MVB12B: variants seen among roughly 807,000 people sequenced by gnomAD.
The protein encoded by MVB12B is ESCRT-I complex subunit MVB12B.
MVB12B carries 16 observed loss-of-function variants against 41.6 expected under a neutral mutation model. The observed-to-expected ratio is 0.38, with a 90% CI of 0.26 to 0.58. The LOEUF (loss-of-function observed/expected upper bound fraction) is 0.58, where lower values mean the gene tolerates loss of function less well. MVB12B is among the 20% of genes least tolerant of loss of function. MVB12B has a pLI of 0.62. For missense variants in MVB12B, 274 were observed against 380.2 expected (o/e 0.72, Z 2.32); for synonymous variants, 133 against 139.7 (o/e 0.95, Z 0.34).
intron 8 of MVB12B, 129 bp downstream of exon 8, chr9:126,481,553 C>T (rs1264982768): frequency 1.4e-5 from 10 of 733,796 alleles, no homozygotes; most frequent in East Asian, 1.2e-4. Context: ...GAATCTTGTC[C>T]GCCTGCGTGT....
intron 7 of MVB12B, among the ~76,000 whole-genome samples, chr9:126,447,348 A>G (rs183782635): frequency 1.1e-3 from 172 of 151,324 alleles, no homozygotes; most frequent in Non-Finnish European, 2.1e-3. Context: ...GATTTTTAAT[A>G]AAAGTGTTTA....
rs1197345939 is a variant in MVB12B, at chr9:126,480,668, C to T, written c.758-701C>T. On this transcript the variant is annotated intron_variant, in intron 7 of 9. Transcript: ENST00000361171. This position sits in a 1 kb window ranked among gnomAD's most constrained non-coding sequence, Gnocchi z 4.9. ...GAGCCTCTAGTCAGCCCTTGATGCC[C>T]TGGGTCTGAGTGACTGAGAGCGACA... 1 of 152,300 alleles carries T rather than the reference C, an allele frequency of 6.6e-6. No homozygotes were observed. Among genetic ancestry groups the T allele is most frequent in the Non-Finnish European group, 1.5e-5 (1 of 68,124 alleles). 9.4% of individuals were successfully genotyped at this position (152,300 alleles called of 1,614,324 possible).
intron 1 of MVB12B, chr9:126,327,445 A>T (rs983455321): frequency 9.8e-5 from 48 of 492,230 alleles, no homozygotes; most frequent in Non-Finnish European, 1.3e-4. Context: ...CACCTGCCCC[A>T]GGAGCATCAC....
chr9:126,365,149 G>C (rs1004932363), intron 2 of MVB12B, among the ~76,000 whole-genome samples: 1 of 150,626 alleles, frequency 6.6e-6, no homozygotes. Context: ...CGCCTCCCAG[G>C]TTCAAGTGAT....
chr9:126,332,559 G>A (rs1032855121), intron 1 of MVB12B, among the ~76,000 whole-genome samples: 3 of 152,128 alleles, frequency 2.0e-5, no homozygotes, highest in African/African-American at 4.8e-5. Flanking sequence ...CCCTTCCCCC[G>A]TCCTCTGTAA....
At chr9:126,393,705 C>T (rs1304843231) in intron 5 of MVB12B, among the ~76,000 whole-genome samples, 1 of 152,240 alleles carries the variant, frequency 6.6e-6, no homozygotes, top group Non-Finnish European at 1.5e-5. Context: ...CTTCAGTCAA[C>T]TGAAATCCAG....
intron 4 of MVB12B, among the ~76,000 whole-genome samples, chr9:126,388,828 T>A (rs1830869936): frequency 6.6e-6 from 1 of 152,248 alleles, no homozygotes; most frequent in Non-Finnish European, 1.5e-5. Context: ...ATTTGTATTA[T>A]CTCCTCTGCT....
intron 7 of MVB12B, among the ~76,000 whole-genome samples, chr9:126,472,607 C>T (rs1484825158): frequency 6.6e-6 from 1 of 152,032 alleles, no homozygotes; most frequent in African/African-American, 2.4e-5. Flanking sequence ...ACTTGTAGTG[C>T]CTGATTGTAA....
intron 8 of MVB12B, among the ~76,000 whole-genome samples, chr9:126,483,234 C>T (rs770599019): frequency 6.6e-6 from 1 of 152,200 alleles, no homozygotes; most frequent in Non-Finnish European, 1.5e-5. Context: ...CGCCCTCTGC[C>T]CTCCGAGCCT....
intron 2 of MVB12B, among the ~76,000 whole-genome samples, chr9:126,365,748 G>A (rs1327504660): frequency 6.6e-6 from 1 of 151,946 alleles, no homozygotes; most frequent in African/African-American, 2.4e-5. Flanking sequence ...GGTCCAAAGG[G>A]AGATTTCATC....
chr9:126,416,836 T>C (rs10739672), intron 6 of MVB12B, among the ~76,000 whole-genome samples: 133,379 of 152,178 alleles, frequency 0.88, 58,616 homozygotes, highest in East Asian at 1. Context: ...TGGGGCTCCA[T>C]CCCACGCTGG....
intron 6 of MVB12B, 29 bp from the exon 7 acceptor site, chr9:126,421,825 C>A: frequency 6.4e-7 from 1 of 1,554,356 alleles, no homozygotes; most frequent in Non-Finnish European, 8.9e-7. Flanking sequence ...TCCTTGTAAT[C>A]TCCTTTCTCT....
chr9:126,327,447 G>A (rs1209187980), intron 1 of MVB12B, among the ~76,000 whole-genome samples: 1 of 152,166 alleles, frequency 6.6e-6, no homozygotes, highest in Non-Finnish European at 1.5e-5. Context: ...CCTGCCCCAG[G>A]AGCATCACTG....
chr9:126,356,801 C>T lies in MVB12B; in HGVS notation c.204+16171C>T, dbSNP rs138845544. ...ATCATTTAAAACTGTGTGGCACCTG[C>T]CTTCATTCTCTCACTGCTGCTCCTG... On this transcript the variant is annotated intron_variant, in intron 2 of 9. Coordinates refer to ENST00000361171, the MANE Select transcript of MVB12B (RefSeq NM_033446.3). Among the ~76,000 whole-genome samples, 47 of 152,060 alleles carry T rather than the reference C, an allele frequency of 3.1e-4. 1 individual carries two copies. The highest frequency in any genetic ancestry group is 1.1e-3 in the African/African-American group (46 of 41,488).
chr9:126,339,971 T>G (rs1829395958), intron 1 of MVB12B, among the ~76,000 whole-genome samples: 1 of 152,202 alleles, frequency 6.6e-6, no homozygotes, highest in Non-Finnish European at 1.5e-5. Context: ...TCATGGAGCC[T>G]GGACTCCAAC....
chr9:126,501,338 G>A (rs1457236908), intron 9 of MVB12B, among the ~76,000 whole-genome samples: 3 of 152,234 alleles, frequency 2.0e-5, no homozygotes, highest in Non-Finnish European at 4.4e-5. Flanking sequence ...CCTGAGAGAT[G>A]AGTTCACTGA....
chr9:126,404,879 G>A (rs7848436), intron 6 of MVB12B, among the ~76,000 whole-genome samples: 29 of 152,240 alleles, frequency 1.9e-4, no homozygotes, highest in East Asian at 3.8e-4. Flanking sequence ...CAAAATGCTC[G>A]TGAACAGAGC....
At chr9:126,469,097 G>T (rs1360371445) in intron 7 of MVB12B, among the ~76,000 whole-genome samples, 1 of 152,186 alleles carries the variant, frequency 6.6e-6, no homozygotes, top group East Asian at 1.9e-4. Context: ...GACCCCTTGA[G>T]CCCAGGATTT....
At chr9:126,500,132 GCT>G (rs1833923926) in intron 9 of MVB12B, among the ~76,000 whole-genome samples, 1 of 152,110 alleles carries the variant, frequency 6.6e-6, no homozygotes, top group South Asian at 2.1e-4. Context: ...CCCTTAACCT[GCT>G]CTCTCTGGCC....
Sources: gnomAD v4.1 joint callset for allele counts (sites outside exome capture counted in the v4.1 genomes callset) on GRCh38, gnomAD v4.1.1 for gene constraint, Gnocchi (gnomAD v3.1) non-coding constraint, MANE v1.5 for transcripts, NCBI Gene and HGNC (gene_info 2026-07-23, HGNC 2026-07-21) for gene names.